TMEM181: variants seen among roughly 807,000 people sequenced by gnomAD.
TMEM181 encodes the protein transmembrane protein 181, also known as G protein-coupled receptor 178.
Under a neutral mutation model 71.9 loss-of-function variants are expected in TMEM181, and 39 were observed. The observed-to-expected ratio is 0.54, with a 90% CI of 0.42 to 0.71. The LOEUF (loss-of-function observed/expected upper bound fraction) is 0.71. Among genes scored for constraint, TMEM181 ranks in the 30% least tolerant of loss-of-function variants. The probability of loss-of-function intolerance (pLI) is 0.00; values close to 1 mark genes in which losing one functional copy is unlikely to be tolerated. For synonymous variants in TMEM181, 245 were observed against 228.8 expected, an observed-to-expected ratio of 1.07 and a Z score of -0.64; for missense variants, 595 against 583.0, an observed-to-expected ratio of 1.02 and a Z score of -0.21.
At chr6:158,624,332 C>A (rs1786144605) in intron 11 of TMEM181, among the ~76,000 whole-genome samples, 1 of 114,520 alleles carries the variant, frequency 8.7e-6, no homozygotes, top group Non-Finnish European at 1.9e-5. Flanking sequence ...CACTTAGGTG[C>A]TTTTGAGAAA....
chr6:158,628,395 C>T lies in TMEM181; in HGVS notation c.1110-13C>T. On this transcript the variant is annotated splice_polypyrimidine_tract_variant and intron_variant, in intron 13 of 16. Coordinates refer to ENST00000684151, the MANE Select transcript of TMEM181 (RefSeq NM_001376852.1). ...ATGTTTACATATTGTCTCTGCTCCT[C>T]TGTCTTGTTCAGCATCGCCATCCTT... The T allele has an allele frequency of 6.2e-7, 1 of 1,614,018 alleles. No individual in the cohort carries two copies. Among genetic ancestry groups the T allele is most frequent in the East Asian group, 2.2e-5 (1 of 44,890 alleles).
At chr6:158,567,877 C>T (rs2128290022) in intron 1 of TMEM181, among the ~76,000 whole-genome samples, 1 of 151,826 alleles carries the variant, frequency 6.6e-6, no homozygotes. Flanking sequence ...GGCAGGAAGG[C>T]TGGAGAGGGA....
At chr6:158,617,259 G>C (rs1045202318) in intron 10 of TMEM181, among the ~76,000 whole-genome samples, 9 of 152,068 alleles carry the variant, frequency 5.9e-5, no homozygotes, top group Non-Finnish European at 8.8e-5. Flanking sequence ...AGATTTTCTA[G>C]TTTATTTGAG....
At chr6:158,623,117 A>G (rs1182421869) in intron 10 of TMEM181, among the ~76,000 whole-genome samples, 1 of 152,052 alleles carries the variant, frequency 6.6e-6, no homozygotes, top group East Asian at 1.9e-4. Flanking sequence ...CCCTGTCCCC[A>G]ATTCCCTGTC....
chr6:158,575,995 T>G (rs1466830827), intron 2 of TMEM181, among the ~76,000 whole-genome samples: 1 of 152,188 alleles, frequency 6.6e-6, no homozygotes, highest in East Asian at 1.9e-4. Context: ...AAGGCCAAAC[T>G]CTAAAGAAAT....
intron 10 of TMEM181, among the ~76,000 whole-genome samples, chr6:158,622,756 A>G (rs1786037646): frequency 6.6e-6 from 1 of 152,228 alleles, no homozygotes; most frequent in Non-Finnish European, 1.5e-5. Flanking sequence ...CCACAATTCT[A>G]CTGGTCTATG....
chr6:158,616,564 G>A (rs1016895917), intron 10 of TMEM181, among the ~76,000 whole-genome samples: 5 of 152,158 alleles, frequency 3.3e-5, no homozygotes, highest in African/African-American at 1.2e-4. Context: ...TCTTGTGCCA[G>A]TTTTCAAAGG....
chr6:158,568,063 G>T (rs1782609050), intron 1 of TMEM181, among the ~76,000 whole-genome samples: 1 of 152,136 alleles, frequency 6.6e-6, no homozygotes. Context: ...GGCCTGAACA[G>T]TGGGACTGGC....
At chr6:158,569,802 G>A (rs1354607952) in intron 1 of TMEM181, among the ~76,000 whole-genome samples, 1 of 152,162 alleles carries the variant, frequency 6.6e-6, no homozygotes, top group Non-Finnish European at 1.5e-5. Flanking sequence ...GTTTCACCAT[G>A]TTGGCCAAGG....
upstream of TMEM181, among the ~76,000 whole-genome samples, chr6:158,555,877 AT>A (rs34403237): frequency 0.61 from 93,031 of 152,028 alleles, 28,857 homozygotes; most frequent in East Asian, 0.72. Context: ...CTCTTGGAAG[AT>A]TTTTCAGAAA....
intron 1 of TMEM181, among the ~76,000 whole-genome samples, chr6:158,546,136 A>G (rs1467652059): frequency 3.3e-5 from 5 of 152,076 alleles, no homozygotes; most frequent in Non-Finnish European, 5.9e-5. Context: ...TTCCTATTCC[A>G]TCTGGAAAGG....
chr6:158,608,489 G>A (rs370579601), intron 9 of TMEM181, 26 bp downstream of exon 9: 76 of 1,613,896 alleles, frequency 4.7e-5, no homozygotes, highest in Middle Eastern at 1.7e-4. Context: ...CCTCACTGCC[G>A]GGGGAGGTTC....
upstream of TMEM181, among the ~76,000 whole-genome samples, chr6:158,555,348 A>C (rs1281020787): frequency 6.6e-6 from 1 of 152,160 alleles, no homozygotes; most frequent in Non-Finnish European, 1.5e-5. Context: ...ACTAACTTCC[A>C]TTACCCCAAA....
chr6:158,550,550 G>T (rs1781687229), intron 1 of TMEM181, among the ~76,000 whole-genome samples: 2 of 151,928 alleles, frequency 1.3e-5, no homozygotes, highest in South Asian at 4.2e-4. Flanking sequence ...CAGCTACTCG[G>T]GAGGCTGAGG....
intron 10 of TMEM181, chr6:158,611,487 C>T: frequency 1.9e-6 from 1 of 525,906 alleles, no homozygotes; most frequent in South Asian, 1.4e-5. Context: ...ATCATTCTGA[C>T]TCTCAGCTTC....
At chr6:158,575,549 C>T (rs1234990732) in intron 2 of TMEM181, among the ~76,000 whole-genome samples, 1 of 152,152 alleles carries the variant, frequency 6.6e-6, no homozygotes, top group African/African-American at 2.4e-5. Context: ...AACTCCTGAC[C>T]TCAGATGATC....
intron 7 of TMEM181, 75 bp from the exon 8 acceptor site, chr6:158,607,169 C>G: frequency 1.2e-5 from 15 of 1,223,792 alleles, no homozygotes. Context: ...ACCTGGTATG[C>G]CGGCAAGGTG....
intron 2 of TMEM181, among the ~76,000 whole-genome samples, chr6:158,575,864 G>C (rs1783125166): frequency 6.6e-6 from 1 of 152,160 alleles, no homozygotes; most frequent in African/African-American, 2.4e-5. Context: ...TTCTGGGCAT[G>C]GTCACTGAGG....
At chr6:158,589,604 T>C in intron 5 of TMEM181, 68 bp from the exon 6 acceptor site, 1 of 1,220,334 alleles carries the variant, frequency 8.2e-7, no homozygotes, top group Non-Finnish European at 1.2e-6. Context: ...ACGTGTTACT[T>C]CATGGGTTAT....
Sources: allele counts gnomAD v4.1 joint callset (sites outside exome capture counted in the v4.1 genomes callset), GRCh38; gene constraint gnomAD v4.1.1; transcripts MANE v1.5; gene names NCBI Gene and HGNC (gene_info 2026-07-23, HGNC 2026-07-21).